The following ANKRD30BL variants were observed in gnomAD, a reference collection of about 807,000 sequenced individuals.
ANKRD30BL encodes ankyrin repeat domain 30B like.
A neutral mutation model predicts 18.4 loss-of-function variants in ANKRD30BL; 20 were observed. The observed-to-expected ratio is 1.09, with a 90% CI of 0.77 to 1.58. The LOEUF (loss-of-function observed/expected upper bound fraction) is 1.58. ANKRD30BL is among the 40% of genes most tolerant of loss of function. The pLI is 0.00. For missense variants in ANKRD30BL, 224 were observed against 268.6 expected (o/e 0.83, Z 1.16); for synonymous variants, 72 against 100.9 (o/e 0.71, Z 1.72).
Position 132,175,280 on chromosome 2 carries a change from T to C in ANKRD30BL, n.442-18134A>G, listed in dbSNP as rs187618619. Reference sequence around the variant, plus strand: ...TAGGGAGAAGGTCAGCAAAAAAACATGTGAGCAGAAGAATCTGTGTCATAA... The same window carrying C: ...TAGGGAGAAGGTCAGCAAAAAAACACGTGAGCAGAAGAATCTGTGTCATAA... On this transcript the variant is annotated intron_variant and non_coding_transcript_variant, in intron 1 of 4. Coordinates refer to the ANKRD30BL transcript ENST00000470729. Among the ~76,000 whole-genome samples, 1,317 of 151,718 alleles carry C rather than the reference T, an allele frequency of 8.7e-3. 18 individuals carry two copies. Among genetic ancestry groups the C allele is most frequent in the Middle Eastern group, 0.041 (12 of 294 alleles).
At chr2:132,151,615 C>CAAA (rs60357550) in intron 4 of ANKRD30BL, among the ~76,000 whole-genome samples, 1 of 143,702 alleles carries the variant, frequency 7.0e-6, no homozygotes. Flanking sequence ...AATTAAATTA[C>CAAA]AAAAAAAAAA....
At chr2:132,149,554 C>T (rs903735764) in intron 5 of ANKRD30BL, among the ~76,000 whole-genome samples, 2 of 152,144 alleles carry the variant, frequency 1.3e-5, no homozygotes, top group Admixed American at 1.3e-4. Flanking sequence ...TACTGATGCA[C>T]CCTCACTAAG....
chr2:132,170,335 C>G (rs1688255726), intron 1 of ANKRD30BL, among the ~76,000 whole-genome samples: 1 of 152,082 alleles, frequency 6.6e-6, no homozygotes, highest in Non-Finnish European at 1.5e-5. Flanking sequence ...AAAAGGGAAA[C>G]AGAGACTGTC....
chr2:132,238,492 T>A (rs551644623), intron 1 of ANKRD30BL, among the ~76,000 whole-genome samples: 11 of 152,188 alleles, frequency 7.2e-5, no homozygotes, highest in Admixed American at 2.0e-4. Flanking sequence ...TTCTTTGTGA[T>A]GCTTACGTTC....
At chr2:132,164,877 C>G (rs1688157599), upstream of ANKRD30BL, among the ~76,000 whole-genome samples, 1 of 151,970 alleles carries the variant, frequency 6.6e-6, no homozygotes, top group Non-Finnish European at 1.5e-5. Context: ...GGGGACCATC[C>G]TGGCTACACG....
rs867122672 is a variant in ANKRD30BL, at chr2:132,220,732, C to T, written n.441+36797G>A. 1.8e-3 allele frequency among the ~76,000 whole-genome samples: 267 copies of T among 152,110 alleles called. 1 individual carries two copies. Among genetic ancestry groups the T allele is most frequent in the African/African-American group, 5.6e-3 (231 of 41,460 alleles). On this transcript the variant is annotated intron_variant and non_coding_transcript_variant, in intron 1 of 4. Coordinates refer to the ANKRD30BL transcript ENST00000470729. ...CTCGCTACAACCTCCACCTCCCAGC[C>T]GCCTGCCTTGACCTCCCAAAGAGCC...
At chr2:132,230,090 A>G (rs1679966453) in intron 1 of ANKRD30BL, among the ~76,000 whole-genome samples, 1 of 151,506 alleles carries the variant, frequency 6.6e-6, no homozygotes. Flanking sequence ...CTGCACGTGG[A>G]CATTTAAAGC....
At chr2:132,227,381 C>T (rs369999532) in intron 1 of ANKRD30BL, among the ~76,000 whole-genome samples, 22 of 151,910 alleles carry the variant, frequency 1.4e-4, no homozygotes, top group Admixed American at 1.2e-3. Flanking sequence ...AATATCTTCC[C>T]ATCTAAACTA....
intron 1 of ANKRD30BL, among the ~76,000 whole-genome samples, chr2:132,184,834 G>A (rs1233062376): frequency 6.8e-6 from 1 of 148,062 alleles, no homozygotes; most frequent in Non-Finnish European, 1.5e-5. Flanking sequence ...TTTTTTTTGA[G>A]ATGGAGTCTA....
chr2:132,160,336 G>T (rs1383407428), intron 1 of ANKRD30BL, among the ~76,000 whole-genome samples: 1 of 150,198 alleles, frequency 6.7e-6, no homozygotes, highest in East Asian at 2.0e-4. Flanking sequence ...CCTGACCTCA[G>T]GTGATCCACC....
At position 132,210,007 on chromosome 2, in the gene ANKRD30BL, A is replaced by G. The variant is rs77491719; in HGVS notation, n.441+47522T>C. ...GGATACTTGGAGTGCTTTGAGCTCA[A>G]TGGTGGAAAAGGAAGTATCTTCAAT... On this transcript the variant is annotated intron_variant and non_coding_transcript_variant, in intron 1 of 4. Coordinates refer to the ANKRD30BL transcript ENST00000470729. 3.3e-5 allele frequency among the ~76,000 whole-genome samples: 5 copies of G among 151,632 alleles called. No individual in the cohort carries two copies. In the East Asian group the frequency reaches 5.8e-4, roughly 18 times the overall value.
chr2:132,212,321 G>A (rs1386819064), intron 1 of ANKRD30BL, among the ~76,000 whole-genome samples: 1 of 151,702 alleles, frequency 6.6e-6, no homozygotes, highest in Non-Finnish European at 1.5e-5. Flanking sequence ...TTAGACAGAA[G>A]CATTCTGAGA....
intron 1 of ANKRD30BL, among the ~76,000 whole-genome samples, chr2:132,234,347 T>C (rs1365404855): frequency 6.6e-6 from 1 of 151,344 alleles, no homozygotes; most frequent in Non-Finnish European, 1.5e-5. Context: ...AGAGCAGAAC[T>C]GAAGGAAATA....
chr2:132,237,140 G>A (rs1680171653), intron 1 of ANKRD30BL, among the ~76,000 whole-genome samples: 1 of 151,032 alleles, frequency 6.6e-6, no homozygotes, highest in South Asian at 2.1e-4. Flanking sequence ...TGGGGGGAGG[G>A]GTGAGGGATA....
At chr2:132,197,062 G>T (rs4479474) in intron 1 of ANKRD30BL, among the ~76,000 whole-genome samples, 1 of 152,198 alleles carries the variant, frequency 6.6e-6, no homozygotes, top group Admixed American at 6.5e-5. Context: ...TCTCACTAAG[G>T]GCCCACTTTG....
intron 1 of ANKRD30BL, among the ~76,000 whole-genome samples, chr2:132,253,735 C>T (rs571700479): frequency 4.6e-5 from 7 of 151,708 alleles, no homozygotes; most frequent in East Asian, 3.9e-4. Flanking sequence ...GGCAGACCGG[C>T]GACCCCTCAA....
chr2:132,249,380 C>T (rs796705837), intron 1 of ANKRD30BL, among the ~76,000 whole-genome samples: 2 of 152,040 alleles, frequency 1.3e-5, no homozygotes, highest in East Asian at 3.9e-4. Flanking sequence ...CCAAAATGCT[C>T]AATCAATAGA....
At chr2:132,217,910 G>A (rs537451665) in intron 1 of ANKRD30BL, among the ~76,000 whole-genome samples, 5 of 151,810 alleles carry the variant, frequency 3.3e-5, no homozygotes, top group African/African-American at 9.7e-5. Flanking sequence ...GTGGATATTT[G>A]GACCAGTTTG....
intron 1 of ANKRD30BL, among the ~76,000 whole-genome samples, chr2:132,235,305 C>G (rs1018462823): frequency 3.3e-5 from 5 of 152,102 alleles, no homozygotes; most frequent in Admixed American, 3.3e-4. Flanking sequence ...TCTCACCACT[C>G]CTATTCAACA....
Sources: allele counts gnomAD v4.1 joint callset (sites outside exome capture counted in the v4.1 genomes callset), GRCh38; gene constraint gnomAD v4.1.1; transcripts MANE v1.5; gene names NCBI Gene and HGNC (gene_info 2026-07-23, HGNC 2026-07-21).